ITGAX: variants seen among roughly 807,000 people sequenced by gnomAD.
ITGAX encodes integrin alpha-X.
In ITGAX, 99 loss-of-function variants were observed where a neutral mutation model predicts 140.2. That is an observed-to-expected ratio of 0.71 (90% CI 0.60 to 0.83). ITGAX has a LOEUF of 0.83. Among genes scored for constraint, ITGAX ranks in the 40% least tolerant of loss-of-function variants. ITGAX has a pLI of 0.00. For synonymous variants in ITGAX, 631 were observed against 600.4 expected (o/e 1.05, Z -0.75); for missense variants, 1,444 against 1,482.0 (o/e 0.97, Z 0.42).
Position 31,356,661 on chromosome 16 carries a change from C to A in ITGAX, c.180C>A (p.Ala60=). Residue 60 remains alanine, a synonymous_variant, in exon 3 of 30, where the codon GCC becomes GCA. Transcript: ENST00000268296. Reference sequence around the variant, plus strand: ...GAGCCCCCCAAAAGATAACAGCTGCCAACCAAACGGGTGGCCTCTACCAGT... The same window carrying A: ...GAGCCCCCCAAAAGATAACAGCTGCAAACCAAACGGGTGGCCTCTACCAGT... The part of the protein sequence containing the change: ...VVGAPQKITA[A]NQTGGLYQCG... The A allele has an allele frequency of 6.2e-7, 1 of 1,601,886 alleles. No homozygotes were observed. Among genetic ancestry groups the A allele is most frequent in the Non-Finnish European group, 8.5e-7 (1 of 1,175,264 alleles).
chr16:31,361,983 G>A, intron 10 of ITGAX, 74 bp downstream of exon 10: 3 of 1,612,558 alleles, frequency 1.9e-6, no homozygotes, highest in Non-Finnish European at 2.5e-6. Context: ...TGGGTGTCAG[G>A]TGGGTAAGAG....
chr16:31,382,094 A>G lies in ITGAX; in HGVS notation c.*187A>G. On this transcript the variant is annotated 3_prime_UTR_variant, in exon 30 of 30. Transcript: ENST00000268296. ...TTGTCTTGTCAAGGTTCCAACTGGA[A>G]ACCCTTAGGACAGGGTCCCTGCTGT... 7.0e-7 allele frequency: 1 copy of G among 1,433,422 alleles called. No individual in the cohort carries two copies. The highest frequency in any genetic ancestry group is 9.1e-7 in the Non-Finnish European group (1 of 1,099,470). The allele number at this position is 1,433,422 out of a possible 1,614,324, so 88.8% of individuals were successfully genotyped here.
chr16:31,365,436 A>G (rs539680317), intron 14 of ITGAX, among the ~76,000 whole-genome samples: 43 of 152,206 alleles, frequency 2.8e-4, no homozygotes, highest in African/African-American at 1.0e-3. Context: ...GTTCTGTCAC[A>G]CACCAGCTGT....
chr16:31,355,406 C>A, intron 1 of ITGAX, 115 bp downstream of exon 1: 3 of 1,142,372 alleles, frequency 2.6e-6, no homozygotes, highest in South Asian at 1.3e-5. Context: ...GAGACTCAGT[C>A]AAGCCTGAGG....
At chr16:31,365,696 G>C (rs2080885786) in intron 14 of ITGAX, among the ~76,000 whole-genome samples, 1 of 152,276 alleles carries the variant, frequency 6.6e-6, no homozygotes, top group South Asian at 2.1e-4. Flanking sequence ...GCTGAGGCAG[G>C]CAGATCACTT....
At chr16:31,363,480 C>T in intron 14 of ITGAX, 106 bp downstream of exon 14, 1 of 1,301,756 alleles carries the variant, frequency 7.7e-7, no homozygotes, top group Non-Finnish European at 1.1e-6. Flanking sequence ...CCTCCCTTGC[C>T]CAGCTCTGAG....
At chr16:31,358,826 T>C (rs201290036) in intron 5 of ITGAX, among the ~76,000 whole-genome samples, 2 of 144,902 alleles carry the variant, frequency 1.4e-5, no homozygotes, top group Non-Finnish European at 1.5e-5. Context: ...TTTTTTTTTT[T>C]CTTTTTTTTT....
At chr16:31,380,195 C>T in intron 26 of ITGAX, 71 bp from the exon 27 acceptor site, 3 of 1,551,886 alleles carry the variant, frequency 1.9e-6, no homozygotes, top group South Asian at 2.3e-5. Context: ...GCCCTCAAGT[C>T]ACACCGCATA....
chr16:31,362,927 C>T lies in ITGAX; in HGVS notation c.1360-8C>T. On this transcript the variant is annotated splice_polypyrimidine_tract_variant and splice_region_variant and intron_variant, in intron 12 of 29. Coordinates refer to ENST00000268296, the MANE Select transcript of ITGAX (RefSeq NM_000887.5). Reference sequence around the variant, plus strand: ...GACAGGCAGCATGACCCAGGCTCTGCCCTTCAGATCGGCTCCTACTTCGGG... The same window carrying T: ...GACAGGCAGCATGACCCAGGCTCTGTCCTTCAGATCGGCTCCTACTTCGGG... The T allele has an allele frequency of 6.2e-7, 1 of 1,611,452 alleles. No homozygotes were observed. Among genetic ancestry groups the T allele is most frequent in the Non-Finnish European group, 8.5e-7 (1 of 1,179,606 alleles).
chr16:31,378,776 G>A (rs1026396294), intron 23 of ITGAX, among the ~76,000 whole-genome samples: 2 of 149,986 alleles, frequency 1.3e-5, no homozygotes, highest in Admixed American at 6.6e-5. Flanking sequence ...CAGCCAATTA[G>A]CACTTGTTTG....
intron 20 of ITGAX, among the ~76,000 whole-genome samples, chr16:31,376,492 G>T (rs2081020318): frequency 6.6e-6 from 1 of 152,120 alleles, no homozygotes; most frequent in Non-Finnish European, 1.5e-5. Context: ...GCATGGTGGT[G>T]GTGTGTGCCT....
chr16:31,382,276 C>T lies in ITGAX; in HGVS notation c.*369C>T, dbSNP rs1422424177. The T allele has an allele frequency of 1.4e-5, 12 of 883,054 alleles. No individual in the cohort carries two copies. The highest frequency in any genetic ancestry group is 1.2e-4 in the South Asian group (3 of 24,430). 54.7% of individuals were successfully genotyped at this position (883,054 alleles called of 1,614,324 possible). A position where few individuals can be genotyped will look rare whatever the true frequency, so the allele number is the denominator to read the frequency against. Reference sequence around the variant, plus strand: ...TTTTTTTTTTTTTGAGACGGAGTCTCGCTCTGTCACCCAGGCTGGAGTGCA... The same window carrying T: ...TTTTTTTTTTTTTGAGACGGAGTCTTGCTCTGTCACCCAGGCTGGAGTGCA... On this transcript the variant is annotated 3_prime_UTR_variant, in exon 30 of 30. Coordinates refer to ENST00000268296, the MANE Select transcript of ITGAX (RefSeq NM_000887.5).
chr16:31,371,700 C>G lies in ITGAX; in HGVS notation c.2076C>G (p.Phe692Leu), dbSNP rs769778686. 1.2e-6 allele frequency: 2 copies of G among 1,614,160 alleles called. No homozygotes were observed. Among genetic ancestry groups the G allele is most frequent in the Non-Finnish European group, 1.7e-6 (2 of 1,180,036 alleles). The change falls in exon 17 of 30, where the codon TTC (phenylalanine) becomes TTG (leucine). Residue 692 changes from phenylalanine to leucine, a missense_variant. Transcript: ENST00000268296. ...DPGRLSPRATFQETKNRSLSR... is the reference protein window; with the variant it reads ...DPGRLSPRATLQETKNRSLSR... ...GCCGCCTGAGTCCCCGTGCCACCTT[C>G]CAGGAAACAAAGAACCGGAGTCTGA...
intron 5 of ITGAX, chr16:31,357,838 T>A (rs1597061518): frequency 2.8e-6 from 1 of 363,098 alleles, no homozygotes; most frequent in African/African-American, 2.1e-5. Context: ...CATGTGTGTA[T>A]ATGTATGCAT....
chr16:31,374,885 T>C (rs2142522481), intron 20 of ITGAX, among the ~76,000 whole-genome samples: 1 of 152,376 alleles, frequency 6.6e-6, no homozygotes, highest in Middle Eastern at 3.4e-3. Context: ...GGTGAAACCT[T>C]TTAAAGGTGA....
rs142193193 is a variant in ITGAX, at chr16:31,360,310, G to A, written c.708G>A (p.Val236=). Residue 236 remains valine, a splice_region_variant and synonymous_variant, in exon 8 of 30, where the codon GTG becomes GTA. Transcript: ENST00000268296. ...TYTATAIQNV[V]HRLFHASYGA... ...TCTAAGACCTCTCCTTTCCTGATAG[G>A]CACCGATTGTTCCATGCCTCATATG... 5.0e-6 allele frequency: 8 copies of A among 1,608,478 alleles called. No individual in the cohort carries two copies. Among genetic ancestry groups the A allele is most frequent in the Non-Finnish European group, 6.8e-6 (8 of 1,176,996 alleles).
chr16:31,376,717 A>G (rs1455481451), intron 20 of ITGAX, 82 bp from the exon 21 acceptor site: 1 of 1,276,176 alleles, frequency 7.8e-7, no homozygotes, highest in Non-Finnish European at 1.1e-6. Context: ...ATGCTGTTAT[A>G]TTAGGTTGGT....
intron 14 of ITGAX, among the ~76,000 whole-genome samples, chr16:31,369,182 G>A (rs1280077408): frequency 1.3e-4 from 20 of 151,570 alleles, no homozygotes; most frequent in African/African-American, 4.4e-4. Context: ...CAGTAGGGGC[G>A]GCCGGGCAGA....
Position 31,371,487 on chromosome 16 carries a change from G to T in ITGAX, c.1995G>T (p.Leu665=), listed in dbSNP as rs200371220. 45 of 1,613,970 alleles carry T rather than the reference G, an allele frequency of 2.8e-5. No homozygotes were observed. The African/African-American group carries it at 5.2e-4, about 19-fold the overall frequency. ...CLYIDKRSKN[L]LGSRDLQSSV... is the part of the protein sequence containing the mutation. ...ACATTGACAAACGTTCTAAGAACCTGCTTGGGAGCCGTGAGTCCCCTCCCC... is the reference window on the plus strand; with the variant it reads ...ACATTGACAAACGTTCTAAGAACCTTCTTGGGAGCCGTGAGTCCCCTCCCC... Residue 665 remains leucine (L), a synonymous_variant, in exon 16 of 30, where the codon CTG becomes CTT. Transcript: ENST00000268296.
Sources: allele counts gnomAD v4.1 joint callset (sites outside exome capture counted in the v4.1 genomes callset), GRCh38; gene constraint gnomAD v4.1.1; transcripts MANE v1.5; gene names NCBI Gene and HGNC (gene_info 2026-07-23, HGNC 2026-07-21).